DOP1B: variants seen among roughly 807,000 people sequenced by gnomAD.
The protein encoded by DOP1B is DOP1 leucine zipper like protein B.
In DOP1B, 174 loss-of-function variants were observed where a neutral mutation model predicts 233.5. The observed-to-expected ratio is 0.75, with a 90% confidence interval of 0.66 to 0.85. The LOEUF (loss-of-function observed/expected upper bound fraction) is 0.85, where lower values mean the gene tolerates loss of function less well. Ranked by LOEUF, DOP1B falls within the 40% of genes least tolerant of loss-of-function variation. The probability of loss-of-function intolerance (pLI) is 0.00; values close to 1 mark genes in which losing one functional copy is unlikely to be tolerated. For synonymous variants in DOP1B, 1,190 were observed against 1,185.6 expected, an observed-to-expected ratio of 1.00 and a Z score of -0.08; for missense variants, 2,652 against 2,846.6, an observed-to-expected ratio of 0.93 and a Z score of 1.56.
intron 1 of DOP1B, 103 bp from the exon 2 acceptor site, chr21:36,164,605 C>T: frequency 1.1e-6 from 1 of 877,196 alleles, no homozygotes; most frequent in Non-Finnish European, 1.6e-6. Flanking sequence ...TGAGTTTGTG[C>T]ACAGTTGTGT....
intron 21 of DOP1B, 80 bp from the exon 22 acceptor site, chr21:36,251,082 G>T: frequency 6.6e-7 from 1 of 1,525,470 alleles, no homozygotes; most frequent in Non-Finnish European, 8.8e-7. Flanking sequence ...TCTCGGTATG[G>T]ACAGCAGTGG....
At chr21:36,218,632 G>T (rs1301396387) in intron 9 of DOP1B, among the ~76,000 whole-genome samples, 1 of 152,212 alleles carries the variant, frequency 6.6e-6, no homozygotes, top group Non-Finnish European at 1.5e-5. Context: ...AAGTGTAAAA[G>T]ATTGGATTAA....
chr21:36,292,259 T>A, intron 36 of DOP1B, 26 bp downstream of exon 36: 4 of 1,400,708 alleles, frequency 2.9e-6, no homozygotes, highest in Non-Finnish European at 3.8e-6. Flanking sequence ...TTCTTTTCTT[T>A]TTTTTTTTTT....
At chr21:36,191,784 CAAA>C (rs35895174) in intron 2 of DOP1B, among the ~76,000 whole-genome samples, 1 of 133,776 alleles carries the variant, frequency 7.5e-6, no homozygotes, top group Non-Finnish European at 1.6e-5. Context: ...GACTCTGTCT[CAAA>C]AAAAAAAAAA....
rs112991413 is a variant in DOP1B, at chr21:36,289,168, G to C, written c.6477G>C (p.Ala2159=). The C allele has an allele frequency of 1.2e-6, 2 of 1,613,926 alleles. No individual in the cohort carries two copies. Among genetic ancestry groups the C allele is most frequent in the East Asian group, 2.2e-5 (1 of 44,864 alleles). The change falls in exon 35 of 37, where the codon GCG becomes GCC. Residue 2159 remains alanine (A), a synonymous_variant. Transcript: ENST00000691173. ...YLSACKFLDT[A]LSFPPDKMPL... ...CAGCTTGCAAATTCTTGGACACAGC[G>C]CTTTCTTTTCCACCTGACAAGATGC... is the stretch of plus-strand genomic sequence containing the variant.
At chr21:36,213,468 A>G (rs1421612943) in intron 7 of DOP1B, among the ~76,000 whole-genome samples, 2 of 151,904 alleles carry the variant, frequency 1.3e-5, no homozygotes, top group Admixed American at 6.6e-5. Flanking sequence ...GATCTCACAT[A>G]ATGCTGGACA....
intron 35 of DOP1B, 132 bp from the exon 36 acceptor site, chr21:36,291,972 G>A (rs762117467): frequency 9.3e-7 from 1 of 1,077,740 alleles, no homozygotes. Context: ...GCAACTCTAT[G>A]AATATAATAA....
chr21:36,191,442 T>C (rs1352992017), intron 2 of DOP1B, among the ~76,000 whole-genome samples: 1 of 152,164 alleles, frequency 6.6e-6, no homozygotes, highest in Non-Finnish European at 1.5e-5. Flanking sequence ...GTCCCACTCT[T>C]CTCTGGTCAG....
chr21:36,216,812 C>T (rs941400698), intron 9 of DOP1B, among the ~76,000 whole-genome samples: 3 of 152,126 alleles, frequency 2.0e-5, no homozygotes, highest in Non-Finnish European at 4.4e-5. Flanking sequence ...TGTGGTGGCT[C>T]ATGCCTGTAA....
chr21:36,175,421 CT>C (rs2066012175), intron 2 of DOP1B, among the ~76,000 whole-genome samples: 1 of 152,042 alleles, frequency 6.6e-6, no homozygotes, highest in African/African-American at 2.4e-5. Context: ...CAGATTTCCT[CT>C]TCTTACAAGG....
chr21:36,244,624 C>A (rs955292439), intron 18 of DOP1B, among the ~76,000 whole-genome samples: 1 of 152,082 alleles, frequency 6.6e-6, no homozygotes, highest in Non-Finnish European at 1.5e-5. Context: ...CAGGGTTTCA[C>A]CATTTTGGCG....
chr21:36,167,669 A>G (rs2065925393), intron 2 of DOP1B, among the ~76,000 whole-genome samples: 1 of 152,026 alleles, frequency 6.6e-6, no homozygotes, highest in East Asian at 1.9e-4. Flanking sequence ...CATCACTCCA[A>G]AAGGAAACCC....
At chr21:36,172,029 C>CGT (rs1568998557) in intron 2 of DOP1B, among the ~76,000 whole-genome samples, 2 of 152,092 alleles carry the variant, frequency 1.3e-5, no homozygotes. Context: ...ACACTGACAG[C>CGT]GTGACCTTAA....
At chr21:36,272,634 G>A (rs567299811) in intron 27 of DOP1B, among the ~76,000 whole-genome samples, 18 of 120,566 alleles carry the variant, frequency 1.5e-4, no homozygotes, top group Admixed American at 8.6e-4. Context: ...GTGACAGAGC[G>A]ACCAAACTCC....
At chr21:36,258,002 G>C (rs1474346465) in intron 23 of DOP1B, among the ~76,000 whole-genome samples, 1 of 151,558 alleles carries the variant, frequency 6.6e-6, no homozygotes, top group Admixed American at 6.6e-5. Flanking sequence ...GATGTAGGTA[G>C]GTAGGTAGAT....
intron 2 of DOP1B, among the ~76,000 whole-genome samples, chr21:36,178,910 A>G (rs1032842661): frequency 1.3e-5 from 2 of 152,216 alleles, no homozygotes; most frequent in African/African-American, 4.8e-5. Context: ...AATCAAGACA[A>G]TGAGCATGGA....
chr21:36,234,714 T>C (rs1375437762), intron 15 of DOP1B, among the ~76,000 whole-genome samples: 1 of 152,146 alleles, frequency 6.6e-6, no homozygotes, highest in Non-Finnish European at 1.5e-5. Flanking sequence ...CTAATTTTTG[T>C]ATTTTTAGTA....
At chr21:36,278,546 A>G (rs1385085419) in intron 30 of DOP1B, among the ~76,000 whole-genome samples, 191 bp downstream of exon 30, 1 of 152,144 alleles carries the variant, frequency 6.6e-6, no homozygotes, top group Admixed American at 6.6e-5. Context: ...TTAAAGTACA[A>G]AGAGGAATAT....
intron 31 of DOP1B, among the ~76,000 whole-genome samples, chr21:36,281,077 G>A (rs1240290504): frequency 1.3e-5 from 2 of 152,180 alleles, no homozygotes; most frequent in African/African-American, 2.4e-5. Flanking sequence ...GCTGAGGTGG[G>A]TGGATCATTT....
Sources: gnomAD v4.1 joint callset for allele counts (sites outside exome capture counted in the v4.1 genomes callset) on GRCh38, gnomAD v4.1.1 for gene constraint, MANE v1.5 for transcripts, NCBI Gene and HGNC (gene_info 2026-07-23, HGNC 2026-07-21) for gene names.